Variants in CSMD1 observed in about 807,000 individuals in gnomAD.
The protein encoded by CSMD1 is CUB and Sushi multiple domains 1.
In CSMD1, 213 loss-of-function variants were observed where a neutral mutation model predicts 417.5. That is an observed-to-expected ratio of 0.51 (90% confidence interval 0.46 to 0.57). The LOEUF (loss-of-function observed/expected upper bound fraction) is 0.57, where lower values mean the gene tolerates loss of function less well. CSMD1 is among the 20% of genes least tolerant of loss of function. The pLI, the probability that CSMD1 is intolerant of heterozygous loss-of-function variation, is 0.00. For missense variants in CSMD1, 6,923 were observed against 4,529.7 expected (o/e 1.53, Z -15.17); for synonymous variants, 2,862 against 1,736.8 (o/e 1.65, Z -16.11).
rs189636653 is a variant in CSMD1 at position 4,877,633 on chromosome 8, C to G, written c.85+116699G>C. On this transcript the variant is annotated intron_variant, in intron 1 of 69. Transcript: ENST00000635120. ...TTCCTAATTTCCTAATCCTATATTT[C>G]CAAGTCCTGCCAAATATAGCCAATA... Among the ~76,000 whole-genome samples, 267 of 152,186 alleles carry G rather than the reference C, an allele frequency of 1.8e-3. 4 individuals carry two copies. The highest frequency in any genetic ancestry group is 5.9e-3 in the African/African-American group (243 of 41,476).
intron 2 of CSMD1, among the ~76,000 whole-genome samples, chr8:4,459,981 C>G (rs1229266392): frequency 6.6e-6 from 1 of 152,146 alleles, no homozygotes; most frequent in African/African-American, 2.4e-5. Context: ...AAATGACCAT[C>G]AGACTAGACA....
intron 3 of CSMD1, among the ~76,000 whole-genome samples, chr8:4,411,969 T>A (rs906528504): frequency 6.7e-6 from 1 of 148,414 alleles, no homozygotes; most frequent in African/African-American, 2.5e-5. Flanking sequence ...TGATGAAAAG[T>A]ACACAGCAAC....
intron 1 of CSMD1, among the ~76,000 whole-genome samples, chr8:4,716,733 G>C (rs992152836): frequency 6.6e-6 from 1 of 152,142 alleles, no homozygotes; most frequent in Non-Finnish European, 1.5e-5. Context: ...AGTCTTGTGA[G>C]AATTAACTAA....
intron 10 of CSMD1, among the ~76,000 whole-genome samples, chr8:3,520,319 A>G (rs905909065): frequency 2.0e-5 from 3 of 152,206 alleles, no homozygotes; most frequent in Non-Finnish European, 4.4e-5. Flanking sequence ...ACTGGCTTTG[A>G]TATCAGTGAC....
At chr8:3,732,520 G>C (rs1038149174) in intron 6 of CSMD1, among the ~76,000 whole-genome samples, 6 of 149,846 alleles carry the variant, frequency 4.0e-5, no homozygotes, top group Admixed American at 3.3e-4. Flanking sequence ...GAAAATATTT[G>C]CTGAGACTCT....
intron 1 of CSMD1, among the ~76,000 whole-genome samples, chr8:4,956,788 T>A (rs930519244): frequency 6.6e-6 from 1 of 152,156 alleles, no homozygotes; most frequent in African/African-American, 2.4e-5. Context: ...CAAGTTCACC[T>A]TCCACTTAGA....
chr8:3,274,186 C>A (rs1286691743), intron 26 of CSMD1, among the ~76,000 whole-genome samples: 1 of 151,476 alleles, frequency 6.6e-6, no homozygotes, highest in Non-Finnish European at 1.5e-5. Context: ...TCGTTATGTA[C>A]CCAGTAGTCA....
At chr8:3,024,300 G>T (rs1031682404) in intron 51 of CSMD1, among the ~76,000 whole-genome samples, 6 of 149,454 alleles carry the variant, frequency 4.0e-5, no homozygotes, top group Admixed American at 3.4e-4. Flanking sequence ...TTTTTTTGGG[G>T]GGGGAGGGCA....
At chr8:3,368,105 C>G (rs1585061992) in intron 19 of CSMD1, among the ~76,000 whole-genome samples, 1 of 152,046 alleles carries the variant, frequency 6.6e-6, no homozygotes, top group South Asian at 2.1e-4. Flanking sequence ...CAGATAACTT[C>G]TAATAAAAAT....
chr8:4,760,643 T>A (rs1055104853), intron 1 of CSMD1, among the ~76,000 whole-genome samples: 3 of 152,230 alleles, frequency 2.0e-5, no homozygotes, highest in African/African-American at 4.8e-5. Flanking sequence ...TGTATAAGTA[T>A]GCTGGTATCA....
At chr8:3,914,873 C>T (rs1808710546) in intron 5 of CSMD1, among the ~76,000 whole-genome samples, 1 of 152,146 alleles carries the variant, frequency 6.6e-6, no homozygotes, top group Admixed American at 6.5e-5. Flanking sequence ...ATACAGTTTT[C>T]AGTTTTATGC....
intron 54 of CSMD1, among the ~76,000 whole-genome samples, chr8:2,987,689 T>G (rs1585099791): frequency 6.6e-6 from 1 of 152,196 alleles, no homozygotes; most frequent in South Asian, 2.1e-4. Flanking sequence ...GGGCCTTCCC[T>G]AAGCACAAGA....
chr8:4,647,579 C>G (rs1254662971), intron 1 of CSMD1, among the ~76,000 whole-genome samples: 1 of 152,174 alleles, frequency 6.6e-6, no homozygotes, highest in Non-Finnish European at 1.5e-5. Context: ...CCCCACCCCC[C>G]AATATGTCCT....
At chr8:4,444,055 G>C (rs1282281385) in intron 2 of CSMD1, among the ~76,000 whole-genome samples, 3 of 152,080 alleles carry the variant, frequency 2.0e-5, no homozygotes, top group East Asian at 1.9e-4. Flanking sequence ...GAGTAAGATA[G>C]AGGTGGCCTG....
intron 41 of CSMD1, among the ~76,000 whole-genome samples, chr8:3,130,768 T>C (rs971032325): frequency 6.6e-6 from 1 of 151,968 alleles, no homozygotes; most frequent in African/African-American, 2.4e-5. Context: ...AACCTAAACA[T>C]CACCCCAATC....
chr8:3,845,282 G>C (rs1163351463), intron 5 of CSMD1, among the ~76,000 whole-genome samples: 1 of 152,186 alleles, frequency 6.6e-6, no homozygotes, highest in Non-Finnish European at 1.5e-5. Flanking sequence ...ATATCGTAGA[G>C]TGAACTCACA....
chr8:4,596,013 A>G (rs1800255809), intron 2 of CSMD1, among the ~76,000 whole-genome samples: 1 of 152,002 alleles, frequency 6.6e-6, no homozygotes, highest in South Asian at 2.1e-4. Flanking sequence ...CAGATCCACC[A>G]CTTGAACACT....
In CSMD1 at chr8:3,169,458, A is replaced by G. The variant is rs920983532; in HGVS notation, c.5726-7181T>C. ...TTGTATGATTCCACTCATATAAACT[A>G]TCTCTAGTAGTCGAAATCATAGAAA... On this transcript the variant is annotated intron_variant, in intron 37 of 69. Transcript: ENST00000635120. 3.3e-5 allele frequency among the ~76,000 whole-genome samples: 5 copies of G among 152,152 alleles called. 1 individual carries two copies. The highest frequency in any genetic ancestry group is 3.3e-4 in the Admixed American group (5 of 15,264).
At chr8:4,101,106 C>T (rs987885272) in intron 3 of CSMD1, among the ~76,000 whole-genome samples, 1 of 152,158 alleles carries the variant, frequency 6.6e-6, no homozygotes, top group Non-Finnish European at 1.5e-5. Context: ...TACCGGTTAA[C>T]CAGCGAATAG....
Sources: gnomAD v4.1 joint callset for allele counts (sites outside exome capture counted in the v4.1 genomes callset) on GRCh38, gnomAD v4.1.1 for gene constraint, MANE v1.5 for transcripts, NCBI Gene and HGNC (gene_info 2026-07-23, HGNC 2026-07-21) for gene names.